Variants in PGM1 observed in about 807,000 individuals in gnomAD.
The protein encoded by PGM1 is phosphoglucomutase-1.
PGM1 carries 52 observed loss-of-function variants against 55.6 expected under a neutral mutation model. That is an observed-to-expected ratio of 0.94 (90% confidence interval 0.75 to 1.18). The LOEUF (loss-of-function observed/expected upper bound fraction) is 1.18, where lower values mean the gene tolerates loss of function less well. Ranked by LOEUF, PGM1 falls within the 50% of genes most tolerant of loss-of-function variation. The probability of loss-of-function intolerance (pLI) is 0.00; values close to 1 mark genes in which losing one functional copy is unlikely to be tolerated. For missense variants in PGM1, 724 were observed against 729.3 expected (o/e 0.99, Z 0.08); for synonymous variants, 287 against 271.7 (o/e 1.06, Z -0.55).
At chr1:63,612,102 C>G (rs1648582739) in intron 1 of PGM1, among the ~76,000 whole-genome samples, 1 of 151,842 alleles carries the variant, frequency 6.6e-6, no homozygotes, top group Non-Finnish European at 1.5e-5. Flanking sequence ...ACTAAAAATA[C>G]AAAAATTAGC....
intron 1 of PGM1, among the ~76,000 whole-genome samples, chr1:63,622,623 G>A (rs531665256): frequency 6.6e-6 from 1 of 152,178 alleles, no homozygotes; most frequent in South Asian, 2.1e-4. Context: ...CATTTTTAAG[G>A]ACTTGGTGCA....
At chr1:63,648,697 G>A in intron 8 of PGM1, 45 bp downstream of exon 8, 1 of 1,608,098 alleles carries the variant, frequency 6.2e-7, no homozygotes. Flanking sequence ...TGGGGAAGTG[G>A]GCAGAGAGAA....
intron 7 of PGM1, among the ~76,000 whole-genome samples, chr1:63,644,619 G>A (rs188444019): frequency 2.6e-5 from 4 of 151,930 alleles, no homozygotes; most frequent in Non-Finnish European, 4.4e-5. Flanking sequence ...CCCTTTATTC[G>A]AAACAGTATC....
At chr1:63,619,620 A>G (rs1229345465) in intron 1 of PGM1, among the ~76,000 whole-genome samples, 12 of 152,212 alleles carry the variant, frequency 7.9e-5, no homozygotes, top group Admixed American at 4.6e-4. Flanking sequence ...CTTTTTGCTT[A>G]CAAATTTCCA....
intron 1 of PGM1, among the ~76,000 whole-genome samples, chr1:63,608,637 T>A (rs1648489649): frequency 6.6e-6 from 1 of 152,224 alleles, no homozygotes; most frequent in South Asian, 2.1e-4. Context: ...TGGAACAAGA[T>A]GAAGTGCTTT....
intron 1 of PGM1, among the ~76,000 whole-genome samples, chr1:63,603,395 A>G (rs1648296991): frequency 6.6e-6 from 1 of 152,220 alleles, no homozygotes; most frequent in African/African-American, 2.4e-5. Flanking sequence ...AAGTGCGGAG[A>G]TCTTGCTATG....
chr1:63,642,265 A>C (rs922609818), intron 7 of PGM1, among the ~76,000 whole-genome samples: 16 of 152,236 alleles, frequency 1.1e-4, no homozygotes, highest in Non-Finnish European at 2.2e-4. Context: ...ATTATACATT[A>C]GTCTGTTTGT....
At chr1:63,636,515 G>A in intron 6 of PGM1, 127 bp downstream of exon 6, 1 of 1,023,284 alleles carries the variant, frequency 9.8e-7, no homozygotes, top group Non-Finnish European at 1.5e-6. Context: ...AGTGTGCTGA[G>A]CGATTCTTGT....
At chr1:63,614,414 A>C (rs1648652589) in intron 1 of PGM1, among the ~76,000 whole-genome samples, 1 of 152,166 alleles carries the variant, frequency 6.6e-6, no homozygotes, top group South Asian at 2.1e-4. Flanking sequence ...GCCTTGATTG[A>C]GGCCAAGAGA....
chr1:63,607,879 C>T (rs1648465842), intron 1 of PGM1, among the ~76,000 whole-genome samples: 1 of 152,270 alleles, frequency 6.6e-6, no homozygotes, highest in Middle Eastern at 3.4e-3. Flanking sequence ...TCATTTTTCA[C>T]CTAAAGCGAT....
intron 1 of PGM1, among the ~76,000 whole-genome samples, chr1:63,611,589 G>C (rs528055793): frequency 6.6e-6 from 1 of 152,132 alleles, no homozygotes; most frequent in Non-Finnish European, 1.5e-5. Flanking sequence ...GAGGATTTTG[G>C]AGACAGGATC....
At chr1:63,647,120 A>G (rs113581078) in intron 7 of PGM1, among the ~76,000 whole-genome samples, 6,073 of 151,448 alleles carry the variant, frequency 0.04, 403 homozygotes, top group African/African-American at 0.14. Flanking sequence ...GCGGGCACCT[A>G]TAATCCCAGC....
At chr1:63,620,863 G>A (rs761059034) in intron 1 of PGM1, among the ~76,000 whole-genome samples, 3 of 152,190 alleles carry the variant, frequency 2.0e-5, no homozygotes, top group Non-Finnish European at 2.9e-5. Context: ...CAATGCAGGC[G>A]AATTCATTAG....
chr1:63,595,406 C>T (rs1648032726), intron 1 of PGM1, among the ~76,000 whole-genome samples: 1 of 152,222 alleles, frequency 6.6e-6, no homozygotes, highest in Non-Finnish European at 1.5e-5. Flanking sequence ...GAAGAATGAA[C>T]AGCCCTTGAT....
chr1:63,648,125 A>T (rs55989946), intron 7 of PGM1, among the ~76,000 whole-genome samples: 2,968 of 152,240 alleles, frequency 0.019, 108 homozygotes, highest in African/African-American at 0.068. Context: ...ATAAAGAACT[A>T]CCTGAGACTG....
At chr1:63,598,037 G>A (rs950733083) in intron 1 of PGM1, among the ~76,000 whole-genome samples, 4 of 152,104 alleles carry the variant, frequency 2.6e-5, no homozygotes, top group East Asian at 1.9e-4. Context: ...TAGCGCGATC[G>A]TGGCTTACTG....
At chr1:63,637,274 C>T (rs189145450) in intron 6 of PGM1, among the ~76,000 whole-genome samples, 1 of 152,262 alleles carries the variant, frequency 6.6e-6, no homozygotes, top group African/African-American at 2.4e-5. Flanking sequence ...GAGGTAAATG[C>T]TGTATTTAAC....
intron 1 of PGM1, among the ~76,000 whole-genome samples, chr1:63,626,539 T>C (rs1369608322): frequency 6.6e-6 from 1 of 152,146 alleles, no homozygotes; most frequent in Non-Finnish European, 1.5e-5. Context: ...GGCTGTAGAA[T>C]GTGTCAGAAT....
At chr1:63,612,138 T>C (rs1648584210) in intron 1 of PGM1, among the ~76,000 whole-genome samples, 2 of 151,546 alleles carry the variant, frequency 1.3e-5, no homozygotes, top group African/African-American at 4.9e-5. Context: ...GTGCCTGTAA[T>C]CCCAGCTACT....
Sources: gnomAD v4.1 joint callset for allele counts (sites outside exome capture counted in the v4.1 genomes callset) on GRCh38, gnomAD v4.1.1 for gene constraint, MANE v1.5 for transcripts, NCBI Gene and HGNC (gene_info 2026-07-23, HGNC 2026-07-21) for gene names.